The following EFHC1 variants were observed in gnomAD, a reference collection of about 807,000 sequenced individuals.
EFHC1 encodes EF-hand domain-containing protein 1.
Under a neutral mutation model 69.9 loss-of-function variants are expected in EFHC1, and 53 were observed. That is an observed-to-expected ratio of 0.76 (90% CI 0.61 to 0.95). The LOEUF (loss-of-function observed/expected upper bound fraction) is 0.95, where lower values mean the gene tolerates loss of function less well. EFHC1 is among the 40% of genes least tolerant of loss of function. The probability of loss-of-function intolerance (pLI) is 0.00; values close to 1 mark genes in which losing one functional copy is unlikely to be tolerated. For synonymous variants in EFHC1, 256 were observed against 278.4 expected (o/e 0.92, Z 0.80); for missense variants, 739 against 798.7 (o/e 0.93, Z 0.90).
chr6:52,496,737 G>A lies in EFHC1; in HGVS notation c.*4396G>A, dbSNP rs1205978666. On this transcript the variant is annotated 3_prime_UTR_variant, in exon 11 of 11. Coordinates refer to ENST00000371068, the MANE Select transcript of EFHC1 (RefSeq NM_018100.4). The stretch of plus-strand genomic sequence containing the variant: ...TGCTTGAGTTCACCTAGCTTCTCAT[G>A]GCAGAGCAGGACCCAACTCTACAAT... The A allele has an allele frequency of 6.6e-6, 1 of 152,130 alleles. No individual in the cohort carries two copies. The highest frequency in any genetic ancestry group is 1.5e-5 in the Non-Finnish European group (1 of 68,010). 9.4% of individuals were successfully genotyped at this position (152,130 alleles called of 1,614,324 possible).
chr6:52,480,177 A>G (rs1206853277), intron 9 of EFHC1: 3 of 366,158 alleles, frequency 8.2e-6, no homozygotes, highest in Admixed American at 4.4e-5. Context: ...GTATTCTTAC[A>G]ATACGGTAAG....
At chr6:52,491,952 G>A (rs116283683) in intron 10 of EFHC1, among the ~76,000 whole-genome samples, 327 of 152,282 alleles carry the variant, frequency 2.1e-3, no homozygotes, top group Non-Finnish European at 3.7e-3. Context: ...CCAACATCCT[G>A]CTTTCATGAG....
In EFHC1 at chr6:52,492,894, G is replaced by C. The variant is rs533752238; in HGVS notation, c.*553G>C. ...AGCCTCCAAAAGTGCTGGGATTATA[G>C]GCATGAGCCACTGTGCCCAGCCTCA... is the stretch of plus-strand genomic sequence containing the variant. On this transcript the variant is annotated 3_prime_UTR_variant, in exon 11 of 11. Coordinates refer to ENST00000371068, the MANE Select transcript of EFHC1 (RefSeq NM_018100.4). 1.3e-5 allele frequency: 6 copies of C among 453,990 alleles called. No individual in the cohort carries two copies. Among genetic ancestry groups the C allele is most frequent in the African/African-American group, 1.0e-4 (5 of 50,106 alleles). 28.1% of individuals were successfully genotyped at this position (453,990 alleles called of 1,614,324 possible).
In EFHC1 at chr6:52,420,455, G is replaced by A; in HGVS notation, c.45G>A (p.Thr15=). The A allele has an allele frequency of 6.2e-7, 1 of 1,614,210 alleles. No individual in the cohort carries two copies. Among genetic ancestry groups the A allele is most frequent in the South Asian group, 1.1e-5 (1 of 91,088 alleles). ...PVHGLPFLPG[T]SFKDSTKTAF... ...ATGGCTTGCCCTTTCTTCCGGGCAC[G>A]TCCTTTAAGGACTCTACGGTGAGCA... The change falls in exon 1 of 11, where the codon ACG becomes ACA. Residue 15 remains threonine (T), a synonymous_variant. Coordinates refer to ENST00000371068, the MANE Select transcript of EFHC1 (RefSeq NM_018100.4).
intron 3 of EFHC1, among the ~76,000 whole-genome samples, chr6:52,438,864 A>C (rs9395792): frequency 0.011 from 1,649 of 152,340 alleles, 21 homozygotes; most frequent in South Asian, 0.074. Flanking sequence ...TTAAAATGGC[A>C]GTTCAAACAG....
chr6:52,476,569 TCA>T (rs1765550140), intron 7 of EFHC1, among the ~76,000 whole-genome samples: 1 of 152,186 alleles, frequency 6.6e-6, no homozygotes, highest in Non-Finnish European at 1.5e-5. Flanking sequence ...GTGATCAAGG[TCA>T]GTGTTATCCA....
rs1448279967 is a variant in EFHC1, at chr6:52,494,328, C to A, written c.*1987C>A. On this transcript the variant is annotated 3_prime_UTR_variant, in exon 11 of 11. Coordinates refer to ENST00000371068, the MANE Select transcript of EFHC1 (RefSeq NM_018100.4). The stretch of plus-strand genomic sequence containing the variant: ...TCAGTCCTTCCCCCAGGCTTAGAAG[C>A]CTGTGGTAAAGAGTGTGTGTATACT... 4.4e-6 allele frequency: 2 copies of A among 453,970 alleles called. No individual in the cohort carries two copies. The highest frequency in any genetic ancestry group is 4.7e-5 in the Admixed American group (2 of 42,548). The allele number at this position is 453,970 out of a possible 1,614,324, so 28.1% of individuals were successfully genotyped here.
chr6:52,428,322 CTT>C (rs1214447659), intron 2 of EFHC1: 1 of 151,708 alleles, frequency 6.6e-6, no homozygotes, highest in African/African-American at 2.4e-5. Context: ...AATTTGTAGT[CTT>C]TTATCCCTCA....
intron 2 of EFHC1, chr6:52,428,136 A>G (rs1350019284): frequency 6.6e-6 from 1 of 152,172 alleles, no homozygotes; most frequent in South Asian, 2.1e-4. Context: ...CTACGTAACA[A>G]TCAAGTTCTT....
At chr6:52,453,162 T>G in intron 4 of EFHC1, 1 of 1,343,948 alleles carries the variant, frequency 7.4e-7, no homozygotes, top group South Asian at 1.2e-5. Flanking sequence ...TCCCTTAAAA[T>G]GAGCTAATTT....
chr6:52,435,683 A>T (rs1764517303), intron 2 of EFHC1, among the ~76,000 whole-genome samples: 1 of 152,064 alleles, frequency 6.6e-6, no homozygotes, highest in Non-Finnish European at 1.5e-5. Context: ...CATGCCTAGT[A>T]CTTCCTCCTC....
chr6:52,443,762 G>A (rs1464907951), intron 3 of EFHC1, among the ~76,000 whole-genome samples: 2 of 152,144 alleles, frequency 1.3e-5, no homozygotes, highest in East Asian at 3.8e-4. Context: ...GATTGTCTTG[G>A]CAATGCAGAC....
intron 9 of EFHC1, chr6:52,489,327 C>T (rs536354641): frequency 1.3e-5 from 2 of 152,122 alleles, no homozygotes; most frequent in African/African-American, 2.4e-5. Flanking sequence ...ATCAGTCACT[C>T]GGGTCTTCAA....
intron 3 of EFHC1, among the ~76,000 whole-genome samples, chr6:52,441,451 A>G (rs1222596787): frequency 6.6e-6 from 1 of 151,902 alleles, no homozygotes; most frequent in African/African-American, 2.4e-5. Context: ...ATTCTATTCC[A>G]TTGGTCTATG....
chr6:52,441,356 C>A (rs1460441740), intron 3 of EFHC1, among the ~76,000 whole-genome samples: 1 of 151,752 alleles, frequency 6.6e-6, no homozygotes, highest in Non-Finnish European at 1.5e-5. Flanking sequence ...CAGGTTATCC[C>A]AGCACCTTTC....
intron 3 of EFHC1, 114 bp downstream of exon 3, chr6:52,438,705 AT>A (rs1465820545): frequency 6.3e-6 from 7 of 1,104,888 alleles, no homozygotes; most frequent in Non-Finnish European, 9.5e-6. Context: ...TCCTGCATGA[AT>A]TATTATGAAT....
rs1196360375 is a variant in EFHC1, at chr6:52,494,648, T to C, written c.*2307T>C. The C allele has an allele frequency of 4.4e-6, 2 of 453,980 alleles. No homozygotes were observed. The highest frequency in any genetic ancestry group is 1.6e-5 in the South Asian group (1 of 64,476). The allele number at this position is 453,980 out of a possible 1,614,324, so 28.1% of individuals were successfully genotyped here. ...GTTACATGAGTATATTGCACCCAGGTAGTGAGCATAGTGCCCAGTAAGTAG... is the reference window on the plus strand; with the variant it reads ...GTTACATGAGTATATTGCACCCAGGCAGTGAGCATAGTGCCCAGTAAGTAG... On this transcript the variant is annotated 3_prime_UTR_variant, in exon 11 of 11. Coordinates refer to ENST00000371068, the MANE Select transcript of EFHC1 (RefSeq NM_018100.4).
chr6:52,459,661 TTTTGTTTGTTTG>T (rs546127402), intron 5 of EFHC1, among the ~76,000 whole-genome samples: 1 of 149,946 alleles, frequency 6.7e-6, no homozygotes, highest in African/African-American at 2.5e-5. Context: ...GGTTTTTTTG[TTTTGTTTGTTTG>T]TTTGTTTGTT....
chr6:52,438,175 T>TACAGGATACTCTAATTAGAGTATCAAGTG, intron 2 of EFHC1, 129 bp from the exon 3 acceptor site: 1 of 906,166 alleles, frequency 1.1e-6, no homozygotes, highest in South Asian at 1.5e-5. Context: ...GTATCAAGAT[T>TACAGGATACTCTAATTAGAGTATCAAGTG]TACAGGATAG....
Sources: allele counts gnomAD v4.1 joint callset (sites outside exome capture counted in the v4.1 genomes callset), GRCh38; gene constraint gnomAD v4.1.1; transcripts MANE v1.5; gene names NCBI Gene and HGNC (gene_info 2026-07-23, HGNC 2026-07-21).